The following NRP2 variants were observed in gnomAD, a reference collection of about 807,000 sequenced individuals.
The protein encoded by NRP2 is neuropilin-2.
Under a neutral mutation model 110.4 loss-of-function variants are expected in NRP2, and 52 were observed. That is an observed-to-expected ratio of 0.47 (90% CI 0.38 to 0.59). The LOEUF is 0.59. Ranked by LOEUF, NRP2 falls within the 20% of genes least tolerant of loss-of-function variation. NRP2 has a pLI of 0.00. For synonymous variants in NRP2, 508 were observed against 468.9 expected, an observed-to-expected ratio of 1.08 and a Z score of -1.08; for missense variants, 1,049 against 1,203.0, an observed-to-expected ratio of 0.87 and a Z score of 1.89.
intron 3 of NRP2, among the ~76,000 whole-genome samples, chr2:205,717,563 A>G (rs1181345195): frequency 6.6e-6 from 1 of 152,224 alleles, no homozygotes; most frequent in Non-Finnish European, 1.5e-5. Flanking sequence ...GGACTGTGTC[A>G]TGCAAGAGTG....
At chr2:205,759,667 A>G (rs2057789742) in intron 12 of NRP2, 1 of 152,236 alleles carries the variant, frequency 6.6e-6, no homozygotes, top group Admixed American at 6.5e-5. Context: ...TCCAGAGAAC[A>G]TCTTTACTGC....
Position 205,723,882 on chromosome 2 carries a change from G to T in NRP2, c.762G>T (p.Ala254=), listed in dbSNP as rs772945520. Residue 254 remains alanine, a synonymous_variant, in exon 5 of 17, where the codon GCG becomes GCT. Coordinates refer to ENST00000357785, the MANE Select transcript of NRP2 (RefSeq NM_003872.3). The part of the protein sequence containing the change: ...ILSLTFHTDM[A]VAKDGFSARY... ...CCCTGACCTTTCACACGGACATGGC[G>T]GTGGCCAAGGATGGCTTCTCTGCGC... 3.1e-6 allele frequency: 5 copies of T among 1,614,062 alleles called. No individual in the cohort carries two copies. The Admixed American group carries it at 6.7e-5, about 22-fold the overall frequency.
Position 205,743,588 on chromosome 2 carries a change from T to TGTGGTA in NRP2, c.1641+36_1641+37insGTGGTA, listed in dbSNP as rs1391620692. 5.6e-6 allele frequency: 9 copies of TGTGGTA among 1,609,516 alleles called. No individual in the cohort carries two copies. The Admixed American group carries it at 1.3e-4, about 24-fold the overall frequency. On this transcript the variant is annotated intron_variant, in intron 9 of 16. Coordinates refer to ENST00000357785, the MANE Select transcript of NRP2 (RefSeq NM_003872.3). ...CTTGGAGGCCTCTGTAACGTTACCC[T>TGTGGTA]CAACAGGGAGGCTAAGTGTGGTACA...
At chr2:205,700,413 A>G (rs1400342262) in intron 2 of NRP2, among the ~76,000 whole-genome samples, 1 of 152,244 alleles carries the variant, frequency 6.6e-6, no homozygotes, top group African/African-American at 2.4e-5. Context: ...AGGGGAACTG[A>G]GCAAGAAAGT....
At position 205,796,622 on chromosome 2, in the gene NRP2, T is replaced by C. The variant is rs1299626568; in HGVS notation, c.*1564T>C. 1 of 152,572 alleles carries C rather than the reference T, an allele frequency of 6.6e-6. No homozygotes were observed. The highest frequency in any genetic ancestry group is 1.5e-5 in the Non-Finnish European group (1 of 68,034). The allele number at this position is 152,572 out of a possible 1,614,324, so 9.5% of individuals were successfully genotyped here. A position where few individuals can be genotyped will look rare whatever the true frequency, so the allele number is the denominator to read the frequency against. On this transcript the variant is annotated 3_prime_UTR_variant, in exon 17 of 17. Transcript: ENST00000357785. ...GTACCCCAACTCACTGCTGATCCTA[T>C]TAAAGGAATGAGTCCTGCTACCCGA...
chr2:205,723,451 G>C (rs955536870), intron 4 of NRP2, among the ~76,000 whole-genome samples: 1 of 152,178 alleles, frequency 6.6e-6, no homozygotes, highest in African/African-American at 2.4e-5. Flanking sequence ...CTAGCAGTAA[G>C]AATAAAGAAA....
rs986699443 is a variant in NRP2 at position 205,687,654 on chromosome 2, G to A, written c.73+4291G>A. On this transcript the variant is annotated intron_variant, in intron 1 of 16. Coordinates refer to ENST00000357785, the MANE Select transcript of NRP2 (RefSeq NM_003872.3). ...ATAGAGCCCTCAGACATTAAGCTAC[G>A]GAGCACTCAACTGGCAAAATGAAAG... Among the ~76,000 whole-genome samples the A allele has an allele frequency of 5.3e-5, 8 of 152,300 alleles. No individual in the cohort carries two copies. The South Asian group carries it at 1.5e-3, about 28-fold the overall frequency.
At chr2:205,741,539 A>C (rs2057441925) in intron 8 of NRP2, among the ~76,000 whole-genome samples, 1 of 152,166 alleles carries the variant, frequency 6.6e-6, no homozygotes, top group African/African-American at 2.4e-5. Flanking sequence ...TATAGGAGGC[A>C]ATGCAGGGGG....
chr2:205,723,665 T>C, intron 4 of NRP2, 120 bp from the exon 5 acceptor site: 12 of 1,009,310 alleles, frequency 1.2e-5, no homozygotes, highest in Non-Finnish European at 1.8e-5. Flanking sequence ...TTGGTTTTTA[T>C]GGCAAGATGT....
chr2:205,789,947 T>C (rs538752542), intron 15 of NRP2, among the ~76,000 whole-genome samples: 24 of 152,350 alleles, frequency 1.6e-4, no homozygotes, highest in African/African-American at 5.5e-4. Flanking sequence ...AAATGGTTTT[T>C]TGTACAAATG....
At chr2:205,773,150 A>G (rs763421447) in intron 15 of NRP2, among the ~76,000 whole-genome samples, 3 of 152,344 alleles carry the variant, frequency 2.0e-5, no homozygotes, top group Non-Finnish European at 4.4e-5. Flanking sequence ...CAGCCTCATT[A>G]GCATACAGCT....
intron 15 of NRP2, among the ~76,000 whole-genome samples, chr2:205,768,700 A>C (rs1415446176): frequency 3.3e-5 from 5 of 152,198 alleles, no homozygotes; most frequent in Non-Finnish European, 7.3e-5. Flanking sequence ...CTTGAAGGTA[A>C]GAATTTCCAG....
chr2:205,711,858 TC>T (rs1371801636), intron 2 of NRP2, among the ~76,000 whole-genome samples: 2 of 152,328 alleles, frequency 1.3e-5, no homozygotes, highest in African/African-American at 4.8e-5. Context: ...TGGTGAATCT[TC>T]CAGCACAGGC....
intron 15 of NRP2, among the ~76,000 whole-genome samples, chr2:205,788,307 C>T (rs2058258425): frequency 6.6e-6 from 1 of 152,178 alleles, no homozygotes; most frequent in African/African-American, 2.4e-5. Context: ...CTACTGTGCC[C>T]ACTTGATTAC....
At chr2:205,760,610 G>A (rs966997425) in intron 12 of NRP2, among the ~76,000 whole-genome samples, 2 of 152,082 alleles carry the variant, frequency 1.3e-5, no homozygotes, top group African/African-American at 4.8e-5. Flanking sequence ...GAGGGAGATG[G>A]GAGAGAAGGA....
At chr2:205,736,729 G>A (rs149047291) in intron 7 of NRP2, among the ~76,000 whole-genome samples, 13 of 152,276 alleles carry the variant, frequency 8.5e-5, no homozygotes, top group Non-Finnish European at 1.9e-4. Context: ...TTATTGATTT[G>A]CCTATAATGA....
At chr2:205,781,924 C>T (rs2058178896) in intron 15 of NRP2, among the ~76,000 whole-genome samples, 1 of 152,142 alleles carries the variant, frequency 6.6e-6, no homozygotes, top group South Asian at 2.1e-4. Context: ...AGGTCAGATA[C>T]AATCAGAAAC....
At position 205,763,538 on chromosome 2, in the gene NRP2, C is replaced by A; in HGVS notation, c.2045-136C>A. 8.7e-7 allele frequency: 1 copy of A among 1,143,118 alleles called. No homozygotes were observed. Among genetic ancestry groups the A allele is most frequent in the Non-Finnish European group, 1.3e-6 (1 of 758,576 alleles). The allele number at this position is 1,143,118 out of a possible 1,614,324, so 70.8% of individuals were successfully genotyped here. A position where few individuals can be genotyped will look rare whatever the true frequency, so the allele number is the denominator to read the frequency against. ...GGAGCCTTAAGAAAGGGTCACAGAG[C>A]CTGGAGAACAAGGACATGAATAAAC... is the stretch of plus-strand genomic sequence containing the variant. On this transcript the variant is annotated intron_variant, in intron 12 of 16. Coordinates refer to ENST00000357785, the MANE Select transcript of NRP2 (RefSeq NM_003872.3). This position sits in a 1 kb window ranked among gnomAD's most constrained non-coding sequence, Gnocchi z 4.0.
chr2:205,791,313 C>T (rs1332646920), intron 15 of NRP2, among the ~76,000 whole-genome samples: 1 of 152,222 alleles, frequency 6.6e-6, no homozygotes, highest in Non-Finnish European at 1.5e-5. Flanking sequence ...GGGCCATACA[C>T]ATTCACTGGG....
Sources: allele counts gnomAD v4.1 joint callset (sites outside exome capture counted in the v4.1 genomes callset), GRCh38; gene constraint gnomAD v4.1.1; non-coding constraint Gnocchi (gnomAD v3.1); transcripts MANE v1.5; gene names NCBI Gene and HGNC (gene_info 2026-07-23, HGNC 2026-07-21).